Variants in GRID1 observed in about 807,000 individuals in gnomAD.
The protein encoded by GRID1 is glutamate receptor ionotropic, delta-1.
Under a neutral mutation model 98.0 loss-of-function variants are expected in GRID1, and 28 were observed. That is an observed-to-expected ratio of 0.29 (90% confidence interval 0.21 to 0.39). The LOEUF is 0.39. Ranked by LOEUF, GRID1 falls within the 10% of genes least tolerant of loss-of-function variation. GRID1 has a pLI of 1.00. For missense variants in GRID1, 1,111 were observed against 1,340.5 expected (o/e 0.83, Z 2.67); for synonymous variants, 553 against 538.5 (o/e 1.03, Z -0.37).
intron 8 of GRID1, among the ~76,000 whole-genome samples, chr10:85,849,880 T>A (rs916809168): frequency 6.6e-6 from 1 of 152,076 alleles, no homozygotes. Flanking sequence ...AGGGCCAGAG[T>A]AAAGCTTGAC....
intron 8 of GRID1, among the ~76,000 whole-genome samples, chr10:85,733,670 T>C (rs928752113): frequency 7.9e-5 from 12 of 152,214 alleles, no homozygotes; most frequent in Admixed American, 5.9e-4. Flanking sequence ...ATAAAAATCT[T>C]CCTTGCCTAC....
intron 3 of GRID1, among the ~76,000 whole-genome samples, chr10:86,197,402 T>C (rs1209716035): frequency 6.6e-6 from 1 of 152,064 alleles, no homozygotes; most frequent in Non-Finnish European, 1.5e-5. Flanking sequence ...TCTGGACTAG[T>C]GGTCCTTCCA....
chr10:85,945,821 C>G lies in GRID1; in HGVS notation c.727-29582G>C, dbSNP rs1374751492. ...TTTCCAAGGTTTGTTTTCTAGTAAG[C>G]AGATATAAGGGCTTTAAATTATTAT... On this transcript the variant is annotated intron_variant, in intron 4 of 15. Transcript: ENST00000327946. Among the ~76,000 whole-genome samples the G allele has an allele frequency of 2.0e-5, 3 of 152,108 alleles. No individual in the cohort carries two copies. The East Asian group carries it at 5.8e-4, about 29-fold the overall frequency.
chr10:86,245,036 G>A (rs556321088), intron 2 of GRID1, among the ~76,000 whole-genome samples: 35 of 152,322 alleles, frequency 2.3e-4, no homozygotes, highest in African/African-American at 7.7e-4. Context: ...GACCCCTGTC[G>A]CACTGATTCC....
chr10:86,282,848 A>G (rs980798351), intron 2 of GRID1, among the ~76,000 whole-genome samples: 1 of 151,848 alleles, frequency 6.6e-6, no homozygotes, highest in Admixed American at 6.6e-5. Context: ...CAGCAGAGAA[A>G]CCCTCCAAGA....
chr10:85,871,215 A>G (rs748462152), intron 5 of GRID1, among the ~76,000 whole-genome samples: 3 of 152,222 alleles, frequency 2.0e-5, no homozygotes, highest in Non-Finnish European at 4.4e-5. Context: ...GTTAGCCTAC[A>G]GTTGGGCAAA....
intron 2 of GRID1, among the ~76,000 whole-genome samples, chr10:86,279,500 A>T (rs900234122): frequency 6.6e-6 from 1 of 152,228 alleles, no homozygotes; most frequent in African/African-American, 2.4e-5. Flanking sequence ...GCCCAAAAAG[A>T]AACACATATG....
intron 5 of GRID1, among the ~76,000 whole-genome samples, chr10:85,912,431 G>A (rs1001323374): frequency 2.0e-5 from 3 of 152,148 alleles, no homozygotes; most frequent in Admixed American, 1.3e-4. Flanking sequence ...TCTGTAATAC[G>A]TAGCACCAAT....
At chr10:85,959,830 G>A (rs139898274) in intron 4 of GRID1, among the ~76,000 whole-genome samples, 28 of 151,918 alleles carry the variant, frequency 1.8e-4, no homozygotes, top group African/African-American at 5.5e-4. Context: ...TTAAAGCTGC[G>A]CTAAACATTC....
intron 3 of GRID1, among the ~76,000 whole-genome samples, chr10:86,142,704 T>C (rs570435854): frequency 6.6e-6 from 1 of 152,336 alleles, no homozygotes; most frequent in Admixed American, 6.5e-5. Context: ...TACATAAGCA[T>C]GTGTACCATG....
chr10:86,194,761 G>A (rs1456785914), intron 3 of GRID1, among the ~76,000 whole-genome samples: 1 of 151,972 alleles, frequency 6.6e-6, no homozygotes, highest in East Asian at 1.9e-4. Context: ...CTCACATTGG[G>A]CTGGTCTCTG....
intron 5 of GRID1, among the ~76,000 whole-genome samples, chr10:85,901,935 T>C (rs1437611064): frequency 6.6e-6 from 1 of 152,190 alleles, no homozygotes; most frequent in African/African-American, 2.4e-5. Context: ...GAAGAATAGA[T>C]CTATTGTGAT....
intron 12 of GRID1, among the ~76,000 whole-genome samples, chr10:85,699,975 T>C (rs1841433717): frequency 6.6e-6 from 1 of 152,230 alleles, no homozygotes. Context: ...GAATAGTTTC[T>C]AATGCCATCC....
intron 12 of GRID1, among the ~76,000 whole-genome samples, chr10:85,661,773 A>G (rs2132570803): frequency 6.6e-6 from 1 of 152,298 alleles, no homozygotes; most frequent in African/African-American, 2.4e-5. Flanking sequence ...TAATGCACAA[A>G]ATTTAGCCAC....
chr10:86,364,060 C>A lies in GRID1; in HGVS notation c.116G>T (p.Arg39Met). The A allele has an allele frequency of 1.2e-6, 2 of 1,613,982 alleles. No individual in the cohort carries two copies. Among genetic ancestry groups the A allele is most frequent in the Non-Finnish European group, 1.7e-6 (2 of 1,179,840 alleles). The change falls in exon 2 of 16, where the codon AGG becomes ATG. Residue 39 changes from arginine to methionine, a missense_variant. This residue lies in a region of GRID1 where 346 missense variants were observed against 452.3 expected (regional missense o/e 0.76). Transcript: ENST00000327946. ...IFEENAAKDDRVFQLAVSDLS... is the reference protein window; with the variant it reads ...IFEENAAKDDMVFQLAVSDLS... ...GTCGGATACCGCCAACTGGAACACC[C>A]TGTCGTCCTTGGCCGCGTTCTCCTC...
In GRID1 at chr10:85,599,802, A is replaced by AAAAAAAAAAAAAAAAATATAT; in HGVS notation, c.*2470_*2471insATATATTTTTTTTTTTTTTTT. On this transcript the variant is annotated 3_prime_UTR_variant, in exon 16 of 16. Transcript: ENST00000327946. Reference sequence around the variant, plus strand: ...GTAGAAAATTCTAAAAAAAAAAAAAAATATATATATATATATATAAACATG... The same window carrying AAAAAAAAAAAAAAAAATATAT: ...GTAGAAAATTCTAAAAAAAAAAAAAAAAAAAAAAAAAAAAAATATATATATATATATATATATATAAACATG... 1.2e-4 allele frequency: 8 copies of AAAAAAAAAAAAAAAAATATAT among 64,976 alleles called. No homozygotes were observed. The highest frequency in any genetic ancestry group is 5.6e-4 in the African/African-American group (6 of 10,724). 4.0% of individuals were successfully genotyped at this position (64,976 alleles called of 1,614,324 possible).
chr10:86,305,381 C>G (rs1373453191), intron 2 of GRID1, among the ~76,000 whole-genome samples: 2 of 152,210 alleles, frequency 1.3e-5, no homozygotes, highest in Non-Finnish European at 2.9e-5. Flanking sequence ...ATCTCTATTT[C>G]TCTTAAACTG....
At chr10:85,693,993 C>A (rs971787125) in intron 12 of GRID1, among the ~76,000 whole-genome samples, 2 of 152,090 alleles carry the variant, frequency 1.3e-5, no homozygotes, top group East Asian at 1.9e-4. Context: ...AGACAACATG[C>A]AAAATGGGAG....
In GRID1 at chr10:86,206,609, G is replaced by A. The variant is rs1476923699; in HGVS notation, c.275C>T (p.Thr92Met). 4.3e-6 allele frequency: 7 copies of A among 1,613,998 alleles called. No individual in the cohort carries two copies. The highest frequency in any genetic ancestry group is 5.9e-6 in the Non-Finnish European group (7 of 1,180,000). Residue 92 changes from threonine to methionine, a missense_variant, in exon 3 of 16, where the codon ACG becomes ATG. Around this residue, in one of 3 missense-constraint regions of GRID1, gnomAD observed 346 missense variants for 452.3 expected, o/e 0.76. Transcript: ENST00000327946. This position sits in a 1 kb window ranked among gnomAD's most constrained non-coding sequence, Gnocchi z 4.1. ...ATTGGCAGATGCACAGCCAGTGGAC[G>A]TGACCAAGGCCAAAATCCCCTGGGT... The part of the protein sequence containing the change: ...LMTQGILALV[T>M]STGCASANAL...
Sources: gnomAD v4.1 joint callset for allele counts (sites outside exome capture counted in the v4.1 genomes callset) on GRCh38, gnomAD v4.1.1 for gene constraint, gnomAD v4.1.1 regional missense constraint, Gnocchi (gnomAD v3.1) non-coding constraint, MANE v1.5 for transcripts, NCBI Gene and HGNC (gene_info 2026-07-23, HGNC 2026-07-21) for gene names.